Variants in EIF5B observed in about 807,000 individuals in gnomAD.
EIF5B encodes the protein eukaryotic translation initiation factor 5B.
EIF5B carries 47 observed loss-of-function variants against 147.5 expected under a neutral mutation model. The observed-to-expected ratio is 0.32, with a 90% confidence interval of 0.25 to 0.41. The LOEUF is 0.41. Among genes scored for constraint, EIF5B ranks in the 10% least tolerant of loss-of-function variants. EIF5B has a pLI of 1.00. For missense variants in EIF5B, 1,064 were observed against 1,413.2 expected, an observed-to-expected ratio of 0.75 and a Z score of 3.96; for synonymous variants, 455 against 456.2, an observed-to-expected ratio of 1.00 and a Z score of 0.03.
At position 99,337,460 on chromosome 2, in the gene EIF5B, A is replaced by G. The variant is rs1398414572; in HGVS notation, c.-95A>G. The G allele has an allele frequency of 6.6e-7, 1 of 1,505,318 alleles. No individual in the cohort carries two copies. Among genetic ancestry groups the G allele is most frequent in the South Asian group, 1.2e-5 (1 of 83,836 alleles). 93.2% of individuals were successfully genotyped at this position (1,505,318 alleles called of 1,614,324 possible). On this transcript the variant is annotated 5_prime_UTR_variant, in exon 1 of 24. Transcript: ENST00000289371. Reference sequence around the variant, plus strand: ...GTGCGAGCGGCGGCAGCACGAGGGGAAAAGAGCTGAGCGGAGACCAAAGTC... The same window carrying G: ...GTGCGAGCGGCGGCAGCACGAGGGGGAAAGAGCTGAGCGGAGACCAAAGTC...
At chr2:99,363,551 ATTATGGTCCT>A in intron 4 of EIF5B, 84 bp from the exon 5 acceptor site, 1 of 1,318,518 alleles carries the variant, frequency 7.6e-7, no homozygotes, top group South Asian at 1.5e-5. Flanking sequence ...GCCTTGGCCC[ATTATGGTCCT>A]TGAATTGTGG....
Position 99,364,377 on chromosome 2 carries a change from C to G in EIF5B, c.1244C>G (p.Ala415Gly). 3.1e-6 allele frequency: 5 copies of G among 1,608,122 alleles called. No individual in the cohort carries two copies. The highest frequency in any genetic ancestry group is 4.2e-6 in the Non-Finnish European group (5 of 1,177,966). Reference sequence around the variant, plus strand: ...CTTTTAACTAAATCCCAGAGAGAAGCCAGAGCCAGAGCCGAAGCTACTCTT... The same window carrying G: ...CTTTTAACTAAATCCCAGAGAGAAGGCAGAGCCAGAGCCGAAGCTACTCTT... ...GKLLTKSQRE[A>G]RARAEATLKL... Residue 415 changes from alanine (A) to glycine (G), a missense_variant, in exon 6 of 24, where the codon GCC becomes GGC. Ala to Gly is a moderately conservative substitution (Grantham distance 60, BLOSUM62 0). Around this residue, in one of 4 missense-constraint regions of EIF5B, gnomAD observed 31 missense variants for 60.1 expected, o/e 0.52. Transcript: ENST00000289371.
At chr2:99,364,498 GA>G (rs1674285940) in intron 6 of EIF5B, 77 bp downstream of exon 6, 3 of 1,373,818 alleles carry the variant, frequency 2.2e-6, no homozygotes, top group Non-Finnish European at 1.9e-6. Flanking sequence ...TTCAGAAGGA[GA>G]ATGGAATTTG....
At chr2:99,396,158 G>T (rs895646084) in intron 21 of EIF5B, among the ~76,000 whole-genome samples, 1 of 152,172 alleles carries the variant, frequency 6.6e-6, no homozygotes, top group African/African-American at 2.4e-5. Flanking sequence ...TTAGGATTTA[G>T]ACTGGTATAT....
Position 99,401,222 on chromosome 2 carries a change from T to G in EIF5B, c.*1808T>G, listed in dbSNP as rs199687154. On this transcript the variant is annotated 3_prime_UTR_variant, in exon 24 of 24. Transcript: ENST00000289371. The stretch of plus-strand genomic sequence containing the variant: ...CTTATGGCACAGCTATCAGAGAGCA[T>G]CAGGCTCTCTGGTAATATTTATGTA... 1 of 1,478,678 alleles carries G rather than the reference T, an allele frequency of 6.8e-7. No individual in the cohort carries two copies. Among genetic ancestry groups the G allele is most frequent in the East Asian group, 2.3e-5 (1 of 44,226 alleles). The allele number at this position is 1,478,678 out of a possible 1,614,324, so 91.6% of individuals were successfully genotyped here.
At chr2:99,388,299 T>C (rs1320875643) in intron 14 of EIF5B, among the ~76,000 whole-genome samples, 1 of 152,220 alleles carries the variant, frequency 6.6e-6, no homozygotes. Context: ...TTTATTGTAC[T>C]AACTAGACCT....
chr2:99,387,649 A>G (rs959426602), intron 14 of EIF5B, among the ~76,000 whole-genome samples: 3 of 152,144 alleles, frequency 2.0e-5, no homozygotes, highest in African/African-American at 7.2e-5. Context: ...GGATTTCAAT[A>G]TAAAGTTTTC....
intron 18 of EIF5B, among the ~76,000 whole-genome samples, chr2:99,393,348 G>T (rs1674973567): frequency 1.3e-5 from 2 of 152,078 alleles, no homozygotes; most frequent in African/African-American, 4.8e-5. Flanking sequence ...TGAGTCAAAA[G>T]CTAGAAGTCG....
In EIF5B at chr2:99,389,740, A is replaced by G; in HGVS notation, c.2294A>G (p.Lys765Arg). The G allele has an allele frequency of 2.5e-6, 4 of 1,605,214 alleles. No individual in the cohort carries two copies. The highest frequency in any genetic ancestry group is 1.1e-5 in the South Asian group (1 of 88,766). The change falls in exon 15 of 24, where the codon AAA becomes AGA. Residue 765 changes from lysine to arginine, a missense_variant. Around this residue, in one of 4 missense-constraint regions of EIF5B, gnomAD observed 380 missense variants for 715.6 expected, o/e 0.53. Coordinates refer to ENST00000289371, the MANE Select transcript of EIF5B (RefSeq NM_015904.4). ...CAGATTGATAGGTTATATGATTGGA[A>G]AAAGAGTCCTGACTCTGATGTGGCT... ...LNKIDRLYDWKKSPDSDVAAT... is the reference protein window; with the variant it reads ...LNKIDRLYDWRKSPDSDVAAT...
Position 99,337,480 on chromosome 2 carries a change from A to G in EIF5B, c.-75A>G, listed in dbSNP as rs2094245617. ...AGGGGAAAAGAGCTGAGCGGAGACC[A>G]AAGTCAGCCGGGAGACAGTGGGTCT... On this transcript the variant is annotated 5_prime_UTR_variant, in exon 1 of 24. Transcript: ENST00000289371. The G allele has an allele frequency of 1.3e-6, 2 of 1,571,452 alleles. No individual in the cohort carries two copies. The highest frequency in any genetic ancestry group is 2.3e-5 in the South Asian group (2 of 86,516).
chr2:99,376,580 G>A lies in EIF5B; in HGVS notation c.1786G>A (p.Asp596Asn), dbSNP rs766707922. 1.9e-6 allele frequency: 3 copies of A among 1,613,758 alleles called. No individual in the cohort carries two copies. In the African/African-American group the frequency reaches 4.0e-5, roughly 22 times the overall value. ...GAGCTCAGATTCTGAATATGACTCT[G>A]ATGATGATCGGACTAAAGAAGAAAG... ...EMSSDSEYDS[D>N]DDRTKEERAY... The change falls in exon 10 of 24, where the codon GAT (aspartate) becomes AAT (asparagine). Residue 596 changes from aspartate (D) to asparagine (N), a missense_variant. Coordinates refer to ENST00000289371, the MANE Select transcript of EIF5B (RefSeq NM_015904.4).
chr2:99,361,502 A>G lies in EIF5B; in HGVS notation c.601A>G (p.Lys201Glu). 1 of 1,613,830 alleles carries G rather than the reference A, an allele frequency of 6.2e-7. No individual in the cohort carries two copies. ...DEFLQSRKGQ[K>E]KNQKNKPGPN... ...ATTTTTGCAATCTAGAAAAGGACAGAAAAAAAATCAGAAAAACAAGCCAGG... is the reference window on the plus strand; with the variant it reads ...ATTTTTGCAATCTAGAAAAGGACAGGAAAAAAATCAGAAAAACAAGCCAGG... Residue 201 changes from lysine to glutamate, a missense_variant, in exon 4 of 24, where the codon AAA (lysine) becomes GAA (glutamate). By Grantham distance (56) the Lys-to-Glu change is moderately conservative (BLOSUM62 1). Coordinates refer to ENST00000289371, the MANE Select transcript of EIF5B (RefSeq NM_015904.4).
At chr2:99,396,732 T>C (rs760239526) in intron 21 of EIF5B, 28 bp from the exon 22 acceptor site, 2 of 1,576,446 alleles carry the variant, frequency 1.3e-6, no homozygotes, top group Non-Finnish European at 1.7e-6. Flanking sequence ...TTCTGTAAGC[T>C]TAAAATTCTT....
At chr2:99,398,531 A>C in intron 22 of EIF5B, 1 of 437,016 alleles carries the variant, frequency 2.3e-6, no homozygotes, top group Non-Finnish European at 4.1e-6. Context: ...AAAGCACATT[A>C]TCTCCTGTCA....
Position 99,394,705 on chromosome 2 carries a change from TTTTAACC to T in EIF5B, c.3090-10_3090-4del, listed in dbSNP as rs1247528515. ...TTTTCACTGAATGGTCTTTGATGTG[TTTTAACC>T]TTTTAGGTATGCAGTAATTTTGGCC... is the stretch of plus-strand genomic sequence containing the variant. On this transcript the variant is annotated splice_region_variant and splice_polypyrimidine_tract_variant and intron_variant, in intron 20 of 23. Coordinates refer to ENST00000289371, the MANE Select transcript of EIF5B (RefSeq NM_015904.4). The T allele has an allele frequency of 6.8e-6, 11 of 1,610,904 alleles. No homozygotes were observed. Among genetic ancestry groups the T allele is most frequent in the South Asian group, 1.1e-5 (1 of 90,394 alleles).
At chr2:99,339,006 A>AAATATATATATATATATACTT (rs1559240279) in intron 1 of EIF5B, among the ~76,000 whole-genome samples, 1 of 137,204 alleles carries the variant, frequency 7.3e-6, no homozygotes, top group Non-Finnish European at 1.6e-5. Flanking sequence ...ATATATATAC[A>AAATATATATATATATATACTT]TTTTTTTTTT....
At chr2:99,386,359 T>C (rs1674805609) in intron 14 of EIF5B, among the ~76,000 whole-genome samples, 1 of 152,222 alleles carries the variant, frequency 6.6e-6, no homozygotes, top group South Asian at 2.1e-4. Context: ...GTTTTAAGAG[T>C]TCTTTATACT....
chr2:99,344,333 T>C lies in EIF5B; in HGVS notation c.35+6744T>C, dbSNP rs563295092. 2.6e-5 allele frequency among the ~76,000 whole-genome samples: 4 copies of C among 152,328 alleles called. No homozygotes were observed. In the South Asian group the frequency reaches 8.3e-4, roughly 32 times the overall value. Reference sequence around the variant, plus strand: ...TTGTCAGATCATTAGATGCTAGATATATGGATTTATTTCCGGACTTTAAGT... The same window carrying C: ...TTGTCAGATCATTAGATGCTAGATACATGGATTTATTTCCGGACTTTAAGT... On this transcript the variant is annotated intron_variant, in intron 1 of 23. Coordinates refer to ENST00000289371, the MANE Select transcript of EIF5B (RefSeq NM_015904.4).
intron 21 of EIF5B, among the ~76,000 whole-genome samples, chr2:99,395,238 G>A (rs1675017904): frequency 6.6e-6 from 1 of 152,196 alleles, no homozygotes; most frequent in Non-Finnish European, 1.5e-5. Flanking sequence ...CTGTGGGAGA[G>A]AAGTCCATTC....
Sources: allele counts gnomAD v4.1 joint callset (sites outside exome capture counted in the v4.1 genomes callset), GRCh38; gene constraint gnomAD v4.1.1; regional missense constraint gnomAD v4.1.1; transcripts MANE v1.5; gene names NCBI Gene and HGNC (gene_info 2026-07-23, HGNC 2026-07-21).